Variants in WDR33 observed in about 807,000 individuals in gnomAD.
The protein encoded by WDR33 is WD repeat domain 33, also known as pre-mRNA 3' end processing protein WDR33.
A neutral mutation model predicts 164.9 loss-of-function variants in WDR33; 47 were observed. The observed-to-expected ratio is 0.29, with a 90% CI of 0.23 to 0.36. WDR33 has a LOEUF of 0.36. WDR33 is among the 10% of genes least tolerant of loss of function. The pLI is 1.00. For missense variants in WDR33, 1,137 were observed against 1,754.1 expected, an observed-to-expected ratio of 0.65 and a Z score of 6.28; for synonymous variants, 505 against 589.0, an observed-to-expected ratio of 0.86 and a Z score of 2.06.
rs901165843 is a variant in WDR33, at chr2:127,721,177, G to A, written c.1671+659C>T. Among the ~76,000 whole-genome samples, 6 of 151,692 alleles carry A rather than the reference G, an allele frequency of 4.0e-5. No homozygotes were observed. Among genetic ancestry groups the A allele is most frequent in the African/African-American group, 4.9e-5 (2 of 41,228 alleles). On this transcript the variant is annotated intron_variant, in intron 15 of 21. Coordinates refer to ENST00000322313, the MANE Select transcript of WDR33 (RefSeq NM_018383.5). The surrounding 1 kb of genome is among the most constrained non-coding windows in gnomAD (Gnocchi z 4.9). ...GGCTGGAGTGCAGTGGTACGATCTC[G>A]GCTCACTGAAACTTCTGCCTCTGGA...
At position 127,723,799 on chromosome 2, in the gene WDR33, G is replaced by A. The variant is rs184192735; in HGVS notation, c.1197-452C>T. ...AAAAATAAAAATAAAATGTGGGGCC[G>A]GGCAAGGTGGCTCATGCCTGTAATC... On this transcript the variant is annotated intron_variant, in intron 11 of 21. Transcript: ENST00000322313. The surrounding 1 kb of genome is among the most constrained non-coding windows in gnomAD (Gnocchi z 5.9). Among the ~76,000 whole-genome samples, 332 of 150,182 alleles carry A rather than the reference G, an allele frequency of 2.2e-3. 2 individuals are homozygous for A. Among genetic ancestry groups the A allele is most frequent in the African/African-American group, 7.4e-3 (303 of 40,788 alleles).
intron 7 of WDR33, chr2:127,736,916 G>C (rs1686862504): frequency 1.0e-6 from 1 of 985,162 alleles, no homozygotes; most frequent in Non-Finnish European, 1.2e-6. Context: ...GCTGTATTTA[G>C]AAAAATCTTG....
At chr2:127,745,466 C>A (rs1240308296) in intron 7 of WDR33, among the ~76,000 whole-genome samples, 1 of 152,156 alleles carries the variant, frequency 6.6e-6, no homozygotes, top group African/African-American at 2.4e-5. Context: ...TCACCCTTAA[C>A]TGTATTTAAA....
At chr2:127,740,748 T>C (rs1414669219) in intron 7 of WDR33, among the ~76,000 whole-genome samples, 3 of 152,214 alleles carry the variant, frequency 2.0e-5, no homozygotes, top group Non-Finnish European at 4.4e-5. Context: ...TCAACGCCAC[T>C]AATGTGAAAA....
chr2:127,788,109 G>A (rs1216893624), intron 1 of WDR33, among the ~76,000 whole-genome samples: 2 of 92,422 alleles, frequency 2.2e-5, no homozygotes, highest in South Asian at 4.3e-4. Flanking sequence ...GCGGCTGGCC[G>A]GGCTGAGGGG....
Position 127,735,472 on chromosome 2 carries a change from A to G in WDR33, c.725-8695T>C, listed in dbSNP as rs1686815471. ...CCTGGATCAGACCATTTTATGAACAAATCTTAAAAAAAATTCTTTTATACA... is the reference window on the plus strand; with the variant it reads ...CCTGGATCAGACCATTTTATGAACAGATCTTAAAAAAAATTCTTTTATACA... On this transcript the variant is annotated intron_variant, in intron 7 of 21. Coordinates refer to ENST00000322313, the MANE Select transcript of WDR33 (RefSeq NM_018383.5). The surrounding 1 kb of genome is among the most constrained non-coding windows in gnomAD (Gnocchi z 4.3). 1.0e-6 allele frequency: 1 copy of G among 984,626 alleles called. No homozygotes were observed. Among genetic ancestry groups the G allele is most frequent in the African/African-American group, 1.7e-5 (1 of 57,238 alleles). The allele number at this position is 984,626 out of a possible 1,614,324, so 61.0% of individuals were successfully genotyped here.
At chr2:127,747,950 G>A (rs1436300197) in intron 7 of WDR33, among the ~76,000 whole-genome samples, 2 of 152,136 alleles carry the variant, frequency 1.3e-5, no homozygotes, top group Admixed American at 6.5e-5. Flanking sequence ...CTCACTGAAC[G>A]TCAATATCAA....
intron 7 of WDR33, among the ~76,000 whole-genome samples, chr2:127,762,162 A>G (rs1032554540): frequency 2.6e-5 from 4 of 152,150 alleles, no homozygotes; most frequent in African/African-American, 9.7e-5. Flanking sequence ...CCCTGTATTT[A>G]TGTGTCAGAG....
rs762270597 is a variant in WDR33, at chr2:127,722,917, A to AC, written c.1378+40_1378+41insG. 1 of 1,560,496 alleles carries AC rather than the reference A, an allele frequency of 6.4e-7. No homozygotes were observed. On this transcript the variant is annotated intron_variant, in intron 13 of 21. Coordinates refer to ENST00000322313, the MANE Select transcript of WDR33 (RefSeq NM_018383.5). This position sits in a 1 kb window ranked among gnomAD's most constrained non-coding sequence, Gnocchi z 5.1. ...TCAGGAACATAAACGGGTCAAGAAA[A>AC]AATTTGTAAAAATTAAATGTGTCTG...
At chr2:127,791,455 G>T (rs1203472979) in intron 1 of WDR33, among the ~76,000 whole-genome samples, 1 of 152,088 alleles carries the variant, frequency 6.6e-6, no homozygotes, top group African/African-American at 2.4e-5. Context: ...CAAGATCAAG[G>T]TGCCAGCATA....
rs1044407697 is a variant in WDR33, at chr2:127,726,326, G to A, written c.851+325C>T. On this transcript the variant is annotated intron_variant, in intron 8 of 21. Coordinates refer to ENST00000322313, the MANE Select transcript of WDR33 (RefSeq NM_018383.5). This position sits in a 1 kb window ranked among gnomAD's most constrained non-coding sequence, Gnocchi z 4.8. The stretch of plus-strand genomic sequence containing the variant: ...GCCGTGTCTAGTAAGGGGCACACAC[G>A]TCAACTCCTCACAGTGCCACAAGGT... 9.2e-5 allele frequency among the ~76,000 whole-genome samples: 14 copies of A among 152,174 alleles called. No homozygotes were observed. The highest frequency in any genetic ancestry group is 7.4e-5 in the Non-Finnish European group (5 of 68,026).
chr2:127,701,587 C>T lies in WDR33; in HGVS notation c.*4736G>A, dbSNP rs750031745. ...CTGGCGCAGGGGAAAGCTGGCGGCC[C>T]GGCGGCCGCGGAGCCGCTGCTCGCC... On this transcript the variant is annotated 3_prime_UTR_variant, in exon 22 of 22. Coordinates refer to ENST00000322313, the MANE Select transcript of WDR33 (RefSeq NM_018383.5). The T allele has an allele frequency of 5.3e-6, 7 of 1,330,584 alleles. No homozygotes were observed. Among genetic ancestry groups the T allele is most frequent in the Admixed American group, 3.5e-5 (1 of 28,312 alleles). 82.4% of individuals were successfully genotyped at this position (1,330,584 alleles called of 1,614,324 possible).
chr2:127,753,600 T>C (rs1237649671), intron 7 of WDR33, among the ~76,000 whole-genome samples: 3 of 152,216 alleles, frequency 2.0e-5, no homozygotes, highest in African/African-American at 7.2e-5. Context: ...ATTCAGCTTC[T>C]AGAGTTTGTG....
rs565407800 is a variant in WDR33 at position 127,726,486 on chromosome 2, A to G, written c.851+165T>C. On this transcript the variant is annotated intron_variant, in intron 8 of 21. Transcript: ENST00000322313. The surrounding 1 kb of genome is among the most constrained non-coding windows in gnomAD (Gnocchi z 4.8). ...ACAAGCCTTACTTCATTAAGAGTTC[A>G]GAGATGAATCATATTTAATTCATAA... 2.6e-5 allele frequency among the ~76,000 whole-genome samples: 4 copies of G among 152,362 alleles called. No homozygotes were observed. The East Asian group carries it at 7.7e-4, about 29-fold the overall frequency.
chr2:127,742,533 A>C (rs1687048865), intron 7 of WDR33, among the ~76,000 whole-genome samples: 1 of 151,546 alleles, frequency 6.6e-6, no homozygotes. Flanking sequence ...AAAAAAAAAA[A>C]AAAAAAAGGG....
rs1385751322 is a variant in WDR33, at chr2:127,710,466, GACC to G, written c.3309-613_3309-611del. Among the ~76,000 whole-genome samples, 1 of 152,020 alleles carries G rather than the reference GACC, an allele frequency of 6.6e-6. No individual in the cohort carries two copies. The highest frequency in any genetic ancestry group is 2.4e-5 in the African/African-American group (1 of 41,380). The stretch of plus-strand genomic sequence containing the variant: ...CCTCCACCCAGGGGCAGGCCTCCAT[GACC>G]ACGAGTGGCACTCATGGCCCGAGTC... On this transcript the variant is annotated intron_variant, in intron 18 of 21. Transcript: ENST00000322313. The surrounding 1 kb of genome is among the most constrained non-coding windows in gnomAD (Gnocchi z 4.4).
In WDR33 at chr2:127,811,127, G is replaced by C. The variant is rs1689638374; in HGVS notation, c.-139C>G. On this transcript the variant is annotated 5_prime_UTR_variant, in exon 1 of 22. Transcript: ENST00000322313. This position sits in a 1 kb window ranked among gnomAD's most constrained non-coding sequence, Gnocchi z 4.1. Reference sequence around the variant, plus strand: ...ATCCTCTCAATCCCGCTCCTCCAAAGGAGCAGCCGCCATCTTCCCCTATGG... The same window carrying C: ...ATCCTCTCAATCCCGCTCCTCCAAACGAGCAGCCGCCATCTTCCCCTATGG... The C allele has an allele frequency of 6.5e-6, 1 of 152,768 alleles. No homozygotes were observed. Among genetic ancestry groups the C allele is most frequent in the African/African-American group, 2.4e-5 (1 of 41,478 alleles). 9.5% of individuals were successfully genotyped at this position (152,768 alleles called of 1,614,324 possible). A position where few individuals can be genotyped will look rare whatever the true frequency, so the allele number is the denominator to read the frequency against.
chr2:127,769,220 C>T (rs1354838199), intron 2 of WDR33, among the ~76,000 whole-genome samples: 1 of 152,076 alleles, frequency 6.6e-6, no homozygotes, highest in Non-Finnish European at 1.5e-5. Flanking sequence ...CCTCGAGGTG[C>T]CTCATGCCTG....
chr2:127,778,127 T>A (rs1340050354), intron 1 of WDR33, among the ~76,000 whole-genome samples: 2 of 152,028 alleles, frequency 1.3e-5, no homozygotes, highest in Non-Finnish European at 2.9e-5. Context: ...GACCCCCATC[T>A]CTGCAAAAAA....
Sources: gnomAD v4.1 joint callset for allele counts (sites outside exome capture counted in the v4.1 genomes callset) on GRCh38, gnomAD v4.1.1 for gene constraint, Gnocchi (gnomAD v3.1) non-coding constraint, MANE v1.5 for transcripts, NCBI Gene and HGNC (gene_info 2026-07-23, HGNC 2026-07-21) for gene names.